Variants in TRPM3 observed in about 807,000 individuals in gnomAD.
TRPM3 encodes the protein transient receptor potential cation channel subfamily M member 3, also known as long transient receptor potential channel 3.
Under a neutral mutation model 181.2 loss-of-function variants are expected in TRPM3, and 77 were observed. The observed-to-expected ratio is 0.42, with a 90% CI of 0.35 to 0.51. The LOEUF (loss-of-function observed/expected upper bound fraction) is 0.51. Ranked by LOEUF, TRPM3 falls within the 20% of genes least tolerant of loss-of-function variation. The pLI is 0.01. For synonymous variants in TRPM3, 745 were observed against 796.4 expected, an observed-to-expected ratio of 0.94 and a Z score of 1.09; for missense variants, 1,759 against 2,196.7, an observed-to-expected ratio of 0.80 and a Z score of 3.98.
At chr9:71,419,147 T>C (rs1048896135) in intron 1 of TRPM3, among the ~76,000 whole-genome samples, 1 of 151,758 alleles carries the variant, frequency 6.6e-6, no homozygotes, top group Admixed American at 6.6e-5. Flanking sequence ...TGTGTCTACT[T>C]ACTAGGGCAA....
intron 1 of TRPM3, among the ~76,000 whole-genome samples, chr9:71,408,780 G>A (rs1298514307): frequency 5.3e-5 from 8 of 152,208 alleles, no homozygotes; most frequent in Admixed American, 3.3e-4. Context: ...CTCGAGGAGA[G>A]CAACCCCAAG....
At chr9:71,422,053 CTG>C (rs1429881127) in intron 1 of TRPM3, among the ~76,000 whole-genome samples, 1 of 151,928 alleles carries the variant, frequency 6.6e-6, no homozygotes, top group African/African-American at 2.4e-5. Flanking sequence ...TCCTCTTTCC[CTG>C]TGTTTTCTCC....
At chr9:70,815,956 A>G (rs1360065701) in intron 6 of TRPM3, among the ~76,000 whole-genome samples, 1 of 152,204 alleles carries the variant, frequency 6.6e-6, no homozygotes, top group Non-Finnish European at 1.5e-5. Context: ...GAGAAAAGTC[A>G]AGGTTTATTT....
At chr9:70,819,857 T>C (rs2093017893) in intron 6 of TRPM3, among the ~76,000 whole-genome samples, 1 of 152,178 alleles carries the variant, frequency 6.6e-6, no homozygotes, top group South Asian at 2.1e-4. Flanking sequence ...CGGCCTAACC[T>C]AAAATATAAT....
chr9:70,563,757 ATGAT>A (rs1379443770), intron 22 of TRPM3, among the ~76,000 whole-genome samples: 4 of 152,168 alleles, frequency 2.6e-5, no homozygotes, highest in African/African-American at 9.7e-5. Context: ...AAAGAGAGAA[ATGAT>A]TGATTGATTA....
intron 1 of TRPM3, among the ~76,000 whole-genome samples, chr9:71,200,993 A>T (rs1587921120): frequency 6.6e-6 from 1 of 151,822 alleles, no homozygotes; most frequent in Admixed American, 6.6e-5. Flanking sequence ...ATTTGGCATG[A>T]TTTTGCAGTG....
At chr9:70,866,753 G>C (rs1358433324) in intron 1 of TRPM3, among the ~76,000 whole-genome samples, 1 of 152,030 alleles carries the variant, frequency 6.6e-6, no homozygotes, top group Non-Finnish European at 1.5e-5. Flanking sequence ...GATAATTCCA[G>C]CTACTTTGAA....
At chr9:71,313,061 A>G (rs1230995442) in intron 1 of TRPM3, among the ~76,000 whole-genome samples, 1 of 152,184 alleles carries the variant, frequency 6.6e-6, no homozygotes, top group Admixed American at 6.6e-5. Flanking sequence ...TGATGTGTCA[A>G]TATAAATTCA....
chr9:71,311,835 C>T (rs993289684), intron 1 of TRPM3, among the ~76,000 whole-genome samples: 2 of 151,920 alleles, frequency 1.3e-5, no homozygotes, highest in Non-Finnish European at 2.9e-5. Flanking sequence ...AAACCACACA[C>T]ACACACAAGA....
At chr9:70,671,799 C>G (rs1043876171) in intron 9 of TRPM3, among the ~76,000 whole-genome samples, 1 of 152,202 alleles carries the variant, frequency 6.6e-6, no homozygotes, top group Non-Finnish European at 1.5e-5. Context: ...GAGTCTCACT[C>G]TGTTGCCCAG....
Position 70,545,596 on chromosome 9 carries a change from G to C in TRPM3, c.3707+3946C>G, listed in dbSNP as rs117987317. ...GAGTCTCGCTCTGTCGTCCAGGCTA[G>C]AGCGCAGTGGTACGATCTCTGCTCA... On this transcript the variant is annotated intron_variant, in intron 25 of 25. Coordinates refer to ENST00000677713, the MANE Select transcript of TRPM3 (RefSeq NM_001366145.2). Among the ~76,000 whole-genome samples, 1,871 of 122,222 alleles carry C rather than the reference G, an allele frequency of 0.015. 81 individuals carry two copies. In the East Asian group the frequency reaches 0.17, roughly 11 times the overall value. 80.2% of individuals were successfully genotyped at this position (122,222 alleles called of 152,430 possible). A position where few individuals can be genotyped will look rare whatever the true frequency, so the allele number is the denominator to read the frequency against.
chr9:70,752,049 TGC>T (rs367694647), intron 8 of TRPM3, among the ~76,000 whole-genome samples: 4,655 of 116,130 alleles, frequency 0.04, 152 homozygotes, highest in East Asian at 0.085. Context: ...TGTGTGTGTG[TGC>T]GCGCGCGCGC....
intron 1 of TRPM3, among the ~76,000 whole-genome samples, chr9:71,309,528 A>G (rs1216560756): frequency 1.3e-5 from 2 of 152,178 alleles, no homozygotes; most frequent in Non-Finnish European, 2.9e-5. Context: ...CCTATCCCCA[A>G]AATAAAGTAT....
intron 1 of TRPM3, among the ~76,000 whole-genome samples, chr9:71,216,004 T>G (rs12340836): frequency 1.3e-5 from 2 of 152,066 alleles, no homozygotes; most frequent in Non-Finnish European, 2.9e-5. Flanking sequence ...GCCTAGAACC[T>G]GCAGAGTTCC....
intron 1 of TRPM3, among the ~76,000 whole-genome samples, chr9:71,202,269 GGGGGTCA>G (rs1489079391): frequency 1.3e-5 from 2 of 151,610 alleles, no homozygotes; most frequent in East Asian, 1.9e-4. Context: ...TAGGCTGCTC[GGGGGTCA>G]GGGGTCAGGG....
At chr9:71,279,594 A>G (rs1224722931) in intron 1 of TRPM3, among the ~76,000 whole-genome samples, 1 of 152,140 alleles carries the variant, frequency 6.6e-6, no homozygotes, top group African/African-American at 2.4e-5. Flanking sequence ...TAGGGACTCT[A>G]TGACAGCCTA....
chr9:70,811,406 G>C, intron 6 of TRPM3, among the ~76,000 whole-genome samples: 1 of 152,190 alleles, frequency 6.6e-6, no homozygotes, highest in Admixed American at 6.5e-5. Context: ...TTCTGCACCA[G>C]CTATATCTTG....
chr9:70,606,651 G>GTA (rs1554775917), intron 19 of TRPM3, among the ~76,000 whole-genome samples: 24,133 of 140,568 alleles, frequency 0.17, 2,462 homozygotes, highest in South Asian at 0.35. Context: ...GTGTGTGTGT[G>GTA]TATATATATA....
rs188366626 is a variant in TRPM3, at chr9:71,260,471, G to C, written c.183+186182C>G. On this transcript the variant is annotated intron_variant, in intron 1 of 24. Transcript: ENST00000357533. ...GCACTGAATCTATCAATTACTTTGGGCACTACAGCCATTTTTATGATATTG... is the reference window on the plus strand; with the variant it reads ...GCACTGAATCTATCAATTACTTTGGCCACTACAGCCATTTTTATGATATTG... Among the ~76,000 whole-genome samples, 45 of 152,238 alleles carry C rather than the reference G, an allele frequency of 3.0e-4. No homozygotes were observed. The East Asian group carries it at 6.9e-3, about 24-fold the overall frequency.
Sources: gnomAD v4.1 joint callset for allele counts (sites outside exome capture counted in the v4.1 genomes callset) on GRCh38, gnomAD v4.1.1 for gene constraint, MANE v1.5 for transcripts, NCBI Gene and HGNC (gene_info 2026-07-23, HGNC 2026-07-21) for gene names.